The following ITIH3 variants were observed in gnomAD, a reference collection of about 807,000 sequenced individuals.
ITIH3 encodes the protein inter-alpha-trypsin inhibitor heavy chain 3.
In ITIH3, 81 loss-of-function variants were observed where a neutral mutation model predicts 96.5. The ratio of observed to expected loss-of-function variants is 0.84; its 90% CI spans 0.70 to 1.01. The LOEUF (loss-of-function observed/expected upper bound fraction) is 1.01, where lower values mean the gene tolerates loss of function less well. Ranked by LOEUF, ITIH3 falls within the 50% of genes least tolerant of loss-of-function variation. ITIH3 has a pLI of 0.00. For synonymous variants in ITIH3, 422 were observed against 445.2 expected, an observed-to-expected ratio of 0.95 and a Z score of 0.66; for missense variants, 1,057 against 1,139.3, an observed-to-expected ratio of 0.93 and a Z score of 1.04.
chr3:52,796,940 A>G, intron 4 of ITIH3, 97 bp downstream of exon 4: 2 of 1,176,830 alleles, frequency 1.7e-6, no homozygotes, highest in Non-Finnish European at 2.4e-6. Context: ...TGGTATAGCA[A>G]AATGTGCCCA....
chr3:52,796,578 C>A lies in ITIH3; in HGVS notation c.212C>A (p.Ala71Glu). Residue 71 changes from alanine (A) to glutamate (E), a missense_variant, in exon 3 of 22, where the codon GCA (alanine) becomes GAA (glutamate). Coordinates refer to ENST00000449956, the MANE Select transcript of ITIH3 (RefSeq NM_002217.4). Reference protein sequence around the residue: ...NVVTMRAVNRADTAKEVSFDV... With the variant: ...NVVTMRAVNREDTAKEVSFDV... ...GTCACCATGAGAGCCGTCAACCGTG[C>A]AGACACGGCCAAGGAGGTTTCCTTT... The A allele has an allele frequency of 6.2e-7, 1 of 1,613,428 alleles. No individual in the cohort carries two copies. Among genetic ancestry groups the A allele is most frequent in the Non-Finnish European group, 8.5e-7 (1 of 1,179,648 alleles).
chr3:52,806,863 T>A, intron 18 of ITIH3, 38 bp from the exon 19 acceptor site: 1 of 1,531,218 alleles, frequency 6.5e-7, no homozygotes, highest in Non-Finnish European at 8.9e-7. Context: ...ACTCAGAAGT[T>A]CTCGCTGGTC....
intron 14 of ITIH3, 44 bp downstream of exon 14, chr3:52,804,053 TG>T (rs776091496): frequency 1.3e-6 from 2 of 1,587,074 alleles, no homozygotes; most frequent in South Asian, 1.1e-5. Flanking sequence ...CCTCCTGTGC[TG>T]GGCACCCTAC....
intron 13 of ITIH3, among the ~76,000 whole-genome samples, chr3:52,803,404 C>T (rs1355185713): frequency 6.6e-6 from 1 of 150,706 alleles, no homozygotes; most frequent in South Asian, 2.1e-4. Context: ...CTGCAAGCTC[C>T]GCCTCCCGGG....
chr3:52,797,942 G>A lies in ITIH3; in HGVS notation c.663+12G>A, dbSNP rs774283833. 1 of 1,509,350 alleles carries A rather than the reference G, an allele frequency of 6.6e-7. No individual in the cohort carries two copies. The highest frequency in any genetic ancestry group is 2.3e-5 in the East Asian group (1 of 42,592). The allele number at this position is 1,509,350 out of a possible 1,614,324, so 93.5% of individuals were successfully genotyped here. A position where few individuals can be genotyped will look rare whatever the true frequency, so the allele number is the denominator to read the frequency against. ...TCTCAGGGAAAAAGGTGATGTAGATGCCTCTCAGACCTGGTGGGGCAGGGG... is the reference window on the plus strand; with the variant it reads ...TCTCAGGGAAAAAGGTGATGTAGATACCTCTCAGACCTGGTGGGGCAGGGG... On this transcript the variant is annotated intron_variant, in intron 6 of 21. Transcript: ENST00000449956.
chr3:52,803,583 T>G lies in ITIH3; in HGVS notation c.1710-272T>G, dbSNP rs546161303. On this transcript the variant is annotated intron_variant, in intron 13 of 21. Transcript: ENST00000449956. Reference sequence around the variant, plus strand: ...ATTCACCCGCCTTGGCCTCCCAAAGTGCTGGGATTACAGGCGTGAGCCACC... The same window carrying G: ...ATTCACCCGCCTTGGCCTCCCAAAGGGCTGGGATTACAGGCGTGAGCCACC... 9.8e-4 allele frequency among the ~76,000 whole-genome samples: 149 copies of G among 152,274 alleles called. 1 individual carries two copies. Among genetic ancestry groups the G allele is most frequent in the African/African-American group, 3.5e-3 (145 of 41,568 alleles).
intron 14 of ITIH3, 123 bp from the exon 15 acceptor site, chr3:52,804,603 G>A: frequency 2.0e-6 from 2 of 989,012 alleles, no homozygotes; most frequent in South Asian, 1.5e-5. Context: ...TGGGGGAAGA[G>A]CTGGCTGCTG....
intron 6 of ITIH3, among the ~76,000 whole-genome samples, chr3:52,798,363 G>T (rs2154109508): frequency 6.6e-6 from 1 of 152,370 alleles, no homozygotes; most frequent in Admixed American, 6.5e-5. Context: ...CTTAATGGCA[G>T]TGGACAGTGG....
In ITIH3 at chr3:52,806,398, C is replaced by T. The variant is rs770279625; in HGVS notation, c.2048C>T (p.Ala683Val). 1.4e-5 allele frequency: 22 copies of T among 1,611,956 alleles called. No homozygotes were observed. The African/African-American group carries it at 2.9e-4, about 22-fold the overall frequency. The stretch of plus-strand genomic sequence containing the variant: ...ACAGTGCTGCGCCTTATTCAGGATG[C>T]AGTCACAGGTGAGGCTTGTGGGCTA... Reference protein sequence around the residue: ...PGTVLRLIQDAVTGLTVNGQI... With the variant: ...PGTVLRLIQDVVTGLTVNGQI... The change falls in exon 18 of 22, where the codon GCA (alanine) becomes GTA (valine). Residue 683 changes from alanine (A) to valine (V), a missense_variant. Physicochemically the swap from Ala to Val is moderately conservative, Grantham distance 64 (BLOSUM62 0). Transcript: ENST00000449956.
At chr3:52,804,767 T>G (rs1388918176) in intron 15 of ITIH3, 33 bp downstream of exon 15, 1 of 1,583,134 alleles carries the variant, frequency 6.3e-7, no homozygotes, top group Non-Finnish European at 8.6e-7. Context: ...GGTTGGGCAT[T>G]ATGGAAGGGA....
chr3:52,805,959 T>A, intron 16 of ITIH3, 119 bp downstream of exon 16: 1 of 1,519,406 alleles, frequency 6.6e-7, no homozygotes, highest in Non-Finnish European at 9.0e-7. Flanking sequence ...CAATGTGCCC[T>A]GAGGAGATTG....
At chr3:52,801,520 C>G (rs1699828903) in intron 11 of ITIH3, among the ~76,000 whole-genome samples, 1 of 152,192 alleles carries the variant, frequency 6.6e-6, no homozygotes, top group African/African-American at 2.4e-5. Context: ...AGTTCCAGAG[C>G]CCGGACATCC....
At chr3:52,808,413 T>A in intron 21 of ITIH3, 139 bp from the exon 22 acceptor site, 1 of 1,287,038 alleles carries the variant, frequency 7.8e-7, no homozygotes, top group East Asian at 2.4e-5. Context: ...GAAAGAGTAA[T>A]CATGTAACTT....
In ITIH3 at chr3:52,800,518, G is replaced by GCTGT; in HGVS notation, c.1076-11_1076-8dup. ...CACCCTGAGGACACCCTCCCACGGT[G>GCTGT]CTGTCTGTCTGTGTCCCAGTGACCA... On this transcript the variant is annotated intron_variant, in intron 9 of 21. Transcript: ENST00000449956. 1 of 1,552,506 alleles carries GCTGT rather than the reference G, an allele frequency of 6.4e-7. No individual in the cohort carries two copies. Among genetic ancestry groups the GCTGT allele is most frequent in the Non-Finnish European group, 8.7e-7 (1 of 1,147,478 alleles).
Position 52,796,641 on chromosome 3 carries a change from T to A in ITIH3, c.275T>A (p.Phe92Tyr), listed in dbSNP as rs1167056115. 6.2e-7 allele frequency: 1 copy of A among 1,612,326 alleles called. No individual in the cohort carries two copies. The highest frequency in any genetic ancestry group is 8.5e-7 in the Non-Finnish European group (1 of 1,178,844). The change falls in exon 3 of 22, where the codon TTC becomes TAC. Residue 92 changes from phenylalanine (F) to tyrosine (Y), a missense_variant. Phe to Tyr is a conservative substitution (Grantham distance 22). Transcript: ENST00000449956. ...ELPKTAFITN[F>Y]TLTIDGVTYP... is the part of the protein sequence containing the mutation. ...CCCAAGACGGCCTTCATCACCAACT[T>A]CACCTTGTGGGTACCACCATGGCTG...
Position 52,800,631 on chromosome 3 carries a change from T to A in ITIH3, c.1169T>A (p.Val390Asp). 6.3e-7 allele frequency: 1 copy of A among 1,592,232 alleles called. No homozygotes were observed. The highest frequency in any genetic ancestry group is 8.6e-7 in the Non-Finnish European group (1 of 1,169,280). ...HRIPERSTSIVIMLTDGDANV... is the reference protein window; with the variant it reads ...HRIPERSTSIDIMLTDGDANV... ...ATCCCAGAGAGGAGCACCTCCATTG[T>A]CATCATGCTGACTGATGGGGATGCC... The change falls in exon 10 of 22, where the codon GTC becomes GAC. Residue 390 changes from valine to aspartate, a missense_variant. Physicochemically the swap from Val to Asp is radical, Grantham distance 152. Transcript: ENST00000449956.
Position 52,802,809 on chromosome 3 carries a change from G to A in ITIH3, c.1709+3G>A. 1.2e-6 allele frequency: 2 copies of A among 1,613,782 alleles called. No homozygotes were observed. The highest frequency in any genetic ancestry group is 2.2e-5 in the East Asian group (1 of 44,882). Reference sequence around the variant, plus strand: ...ATTGAGCAGCTGCTGGAGAAGCGGTGAGCAGAGTCCCAGCCCCCACCTGTG... The same window carrying A: ...ATTGAGCAGCTGCTGGAGAAGCGGTAAGCAGAGTCCCAGCCCCCACCTGTG... On this transcript the variant is annotated splice_donor_region_variant and intron_variant, in intron 13 of 21. Coordinates refer to ENST00000449956, the MANE Select transcript of ITIH3 (RefSeq NM_002217.4).
At position 52,808,194 on chromosome 3, in the gene ITIH3, T is replaced by TGAA. The variant is rs779212695; in HGVS notation, c.2520_2522dup (p.Lys840dup). The TGAA allele has an allele frequency of 2.8e-5, 46 of 1,614,118 alleles. No individual in the cohort carries two copies. Among genetic ancestry groups the TGAA allele is most frequent in the Non-Finnish European group, 3.8e-5 (45 of 1,179,990 alleles). ...ACAAAGCCAGATGCCACATTGGTGG[T>TGAA]GAAGAACCATCAGCTGATTGTCACC... On this transcript the variant is annotated inframe_insertion, in exon 21 of 22. Coordinates refer to ENST00000449956, the MANE Select transcript of ITIH3 (RefSeq NM_002217.4).
intron 21 of ITIH3, 83 bp from the exon 22 acceptor site, chr3:52,808,469 C>T (rs1475142502): frequency 1.3e-6 from 2 of 1,559,322 alleles, no homozygotes; most frequent in African/African-American, 1.4e-5. Flanking sequence ...GCCAACTTCC[C>T]ACCCTTTTTC....
Sources: gnomAD v4.1 joint callset for allele counts (sites outside exome capture counted in the v4.1 genomes callset) on GRCh38, gnomAD v4.1.1 for gene constraint, MANE v1.5 for transcripts, NCBI Gene and HGNC (gene_info 2026-07-23, HGNC 2026-07-21) for gene names.